ERN1: variants seen among roughly 807,000 people sequenced by gnomAD.
The protein encoded by ERN1 is serine/threonine-protein kinase/endoribonuclease IRE1.
In ERN1, 39 loss-of-function variants were observed where a neutral mutation model predicts 113.1. The observed-to-expected ratio is 0.34, with a 90% CI of 0.27 to 0.45. The LOEUF is 0.45. ERN1 is among the 20% of genes least tolerant of loss of function. The pLI is 1.00. For synonymous variants in ERN1, 507 were observed against 515.9 expected (o/e 0.98, Z 0.23); for missense variants, 976 against 1,274.8 (o/e 0.77, Z 3.57).
chr17:64,053,585 T>C (rs1267334985), intron 15 of ERN1, among the ~76,000 whole-genome samples: 1 of 152,236 alleles, frequency 6.6e-6, no homozygotes. Context: ...CATTGCCTCA[T>C]ATAAGTAAAC....
intron 1 of ERN1, among the ~76,000 whole-genome samples, chr17:64,103,851 C>CT (rs1914450709): frequency 6.6e-6 from 1 of 152,116 alleles, no homozygotes; most frequent in Non-Finnish European, 1.5e-5. Context: ...GAAATGGCCT[C>CT]TAACAAAAAA....
intron 1 of ERN1, among the ~76,000 whole-genome samples, chr17:64,108,358 T>C (rs1481267894): frequency 6.6e-6 from 1 of 152,230 alleles, no homozygotes; most frequent in Non-Finnish European, 1.5e-5. Flanking sequence ...TTTATGTTCA[T>C]GGTTGCTCTG....
intron 18 of ERN1, 84 bp downstream of exon 18, chr17:64,048,971 G>A: frequency 2.2e-6 from 3 of 1,368,106 alleles, no homozygotes; most frequent in Admixed American, 4.8e-5. Context: ...CTCTGTGAGT[G>A]CAAAGGTGGC....
At chr17:64,113,236 G>A (rs1310466492) in intron 1 of ERN1, among the ~76,000 whole-genome samples, 4 of 152,212 alleles carry the variant, frequency 2.6e-5, no homozygotes, top group Admixed American at 6.5e-5. Context: ...CTGTGCAGCT[G>A]TGTGGATGTT....
At chr17:64,047,734 G>T in intron 19 of ERN1, 124 bp downstream of exon 19, 2 of 759,618 alleles carry the variant, frequency 2.6e-6, no homozygotes, top group Non-Finnish European at 2.0e-6. Context: ...TAAAACATCA[G>T]CCATGATTAT....
chr17:64,066,565 A>T (rs1913231815), intron 8 of ERN1, 106 bp downstream of exon 8: 1 of 1,365,914 alleles, frequency 7.3e-7, no homozygotes, highest in Non-Finnish European at 1.0e-6. Context: ...TCATGGCTTC[A>T]GAGACTGCCC....
intron 5 of ERN1, among the ~76,000 whole-genome samples, chr17:64,073,595 G>A (rs939433895): frequency 3.3e-5 from 5 of 152,108 alleles, no homozygotes; most frequent in Admixed American, 3.3e-4. Flanking sequence ...GGGTTCAAGC[G>A]ATACTGCTGC....
chr17:64,125,186 T>C (rs1232348532), intron 1 of ERN1, among the ~76,000 whole-genome samples: 2 of 152,134 alleles, frequency 1.3e-5, no homozygotes, highest in Non-Finnish European at 2.9e-5. Flanking sequence ...GTTTGGAAAA[T>C]AAGATAATAG....
At chr17:64,094,582 C>G (rs1453117185) in intron 2 of ERN1, among the ~76,000 whole-genome samples, 1 of 151,784 alleles carries the variant, frequency 6.6e-6, no homozygotes, top group Non-Finnish European at 1.5e-5. Flanking sequence ...GCCACATCAA[C>G]TCTGTGCTCC....
intron 4 of ERN1, among the ~76,000 whole-genome samples, chr17:64,078,527 C>T (rs753198572): frequency 2.6e-4 from 39 of 152,048 alleles, no homozygotes; most frequent in Non-Finnish European, 4.6e-4. Context: ...CTTAATAAAT[C>T]TCTACTTACT....
intron 4 of ERN1, among the ~76,000 whole-genome samples, chr17:64,078,169 G>A (rs1598063826): frequency 6.6e-6 from 1 of 152,326 alleles, no homozygotes. Context: ...GAGAGTCCTG[G>A]TTGCTCCACA....
chr17:64,093,617 G>A (rs1029335075), intron 2 of ERN1, among the ~76,000 whole-genome samples: 1 of 152,192 alleles, frequency 6.6e-6, no homozygotes, highest in South Asian at 2.1e-4. Flanking sequence ...GGTGGAGAGA[G>A]AATGAGCGAG....
intron 7 of ERN1, 63 bp downstream of exon 7, chr17:64,068,127 A>T: frequency 8.7e-7 from 1 of 1,148,526 alleles, no homozygotes; most frequent in Non-Finnish European, 1.3e-6. Flanking sequence ...TTCTGGAGCC[A>T]CTGTTTCCAC....
rs1431294910 is a variant in ERN1 at position 64,055,216 on chromosome 17, T to C, written c.1673-388A>G. 3.3e-5 allele frequency among the ~76,000 whole-genome samples: 5 copies of C among 152,194 alleles called. No individual in the cohort carries two copies. In the South Asian group the frequency reaches 6.2e-4, roughly 19 times the overall value. On this transcript the variant is annotated intron_variant, in intron 13 of 21. Coordinates refer to ENST00000433197, the MANE Select transcript of ERN1 (RefSeq NM_001433.5). ...CACTGAAGCATTCAGGTGGCGGCAA[T>C]GGACATGTAAAACGAGGAGACTCCT... is the stretch of plus-strand genomic sequence containing the variant.
chr17:64,067,331 T>G (rs1447096712), intron 7 of ERN1, among the ~76,000 whole-genome samples: 1 of 149,942 alleles, frequency 6.7e-6, no homozygotes, highest in African/African-American at 2.5e-5. Context: ...GGCTCATGTC[T>G]ATAAGCCCAA....
At chr17:64,120,433 C>T (rs1002216760) in intron 1 of ERN1, among the ~76,000 whole-genome samples, 1 of 152,174 alleles carries the variant, frequency 6.6e-6, no homozygotes, top group Non-Finnish European at 1.5e-5. Context: ...ATGACAGACA[C>T]TCCTGCAGCC....
intron 16 of ERN1, 114 bp from the exon 17 acceptor site, chr17:64,053,093 T>C (rs1275800082): frequency 2.5e-5 from 24 of 974,074 alleles, no homozygotes; most frequent in Non-Finnish European, 3.2e-5. Flanking sequence ...CCTCCAAATG[T>C]TCTGATTTTC....
chr17:64,128,485 A>G (rs544887351), intron 1 of ERN1, among the ~76,000 whole-genome samples: 2 of 152,192 alleles, frequency 1.3e-5, no homozygotes, highest in South Asian at 4.1e-4. Context: ...TCTTTAGCCT[A>G]AGTTATTCAA....
intron 1 of ERN1, among the ~76,000 whole-genome samples, chr17:64,108,771 C>T (rs750054281): frequency 6.6e-6 from 1 of 152,148 alleles, no homozygotes; most frequent in East Asian, 1.9e-4. Flanking sequence ...ATTGGCCTTA[C>T]AAAAAGTCAA....
Sources: gnomAD v4.1 joint callset for allele counts (sites outside exome capture counted in the v4.1 genomes callset) on GRCh38, gnomAD v4.1.1 for gene constraint, MANE v1.5 for transcripts, NCBI Gene and HGNC (gene_info 2026-07-23, HGNC 2026-07-21) for gene names.